ZNHIT3: variants seen among roughly 807,000 people sequenced by gnomAD.
ZNHIT3 encodes the protein zinc finger HIT-type containing 3, also known as zinc finger HIT domain-containing protein 3.
A neutral mutation model predicts 19.9 loss-of-function variants in ZNHIT3; 27 were observed. That is an observed-to-expected ratio of 1.36 (90% confidence interval 1.00 to 1.87). The LOEUF is 1.87. ZNHIT3 is among the 40% of genes most tolerant of loss of function. The pLI, the probability that ZNHIT3 is intolerant of heterozygous loss-of-function variation, is 0.00. For synonymous variants in ZNHIT3, 81 were observed against 65.7 expected (o/e 1.23, Z -1.13); for missense variants, 215 against 185.6 (o/e 1.16, Z -0.92).
rs769095853 is a variant in ZNHIT3 at position 36,495,208 on chromosome 17, C to T, written c.287-15C>T. Reference sequence around the variant, plus strand: ...ACTTGAACTCAGACTGGCTTTTTTTCTTGTTAATTTTTAGGGGAATCTGCA... The same window carrying T: ...ACTTGAACTCAGACTGGCTTTTTTTTTTGTTAATTTTTAGGGGAATCTGCA... On this transcript the variant is annotated splice_polypyrimidine_tract_variant and intron_variant, in intron 4 of 4. Transcript: ENST00000617429. The T allele has an allele frequency of 4.0e-6, 6 of 1,510,994 alleles. No individual in the cohort carries two copies. Among genetic ancestry groups the T allele is most frequent in the African/African-American group, 2.8e-5 (2 of 70,508 alleles). The allele number at this position is 1,510,994 out of a possible 1,614,324, so 93.6% of individuals were successfully genotyped here. A position where few individuals can be genotyped will look rare whatever the true frequency, so the allele number is the denominator to read the frequency against.
chr17:36,495,606 T>C lies in ZNHIT3; in HGVS notation c.*202T>C. The C allele has an allele frequency of 7.8e-7, 1 of 1,287,784 alleles. No homozygotes were observed. The highest frequency in any genetic ancestry group is 9.8e-7 in the Non-Finnish European group (1 of 1,020,786). The allele number at this position is 1,287,784 out of a possible 1,614,324, so 79.8% of individuals were successfully genotyped here. ...TGGGGTCCTTAAGGTGGCAAGTCCT[T>C]TATGGAGAGAAAACTTGACATTCAG... On this transcript the variant is annotated 3_prime_UTR_variant, in exon 5 of 5. Coordinates refer to ENST00000617429, the MANE Select transcript of ZNHIT3 (RefSeq NM_004773.4).
intron 2 of ZNHIT3, chr17:36,490,776 A>AT (rs929866092): frequency 2.1e-4 from 32 of 152,282 alleles, no homozygotes; most frequent in African/African-American, 7.2e-4. Context: ...TTAATAAATA[A>AT]TTTTTATCAG....
Position 36,495,594 on chromosome 17 carries a change from G to T in ZNHIT3, c.*190G>T. The T allele has an allele frequency of 7.7e-7, 1 of 1,297,772 alleles. No homozygotes were observed. The highest frequency in any genetic ancestry group is 9.7e-7 in the Non-Finnish European group (1 of 1,026,328). 80.4% of individuals were successfully genotyped at this position (1,297,772 alleles called of 1,614,324 possible). A position where few individuals can be genotyped will look rare whatever the true frequency, so the allele number is the denominator to read the frequency against. On this transcript the variant is annotated 3_prime_UTR_variant, in exon 5 of 5. Transcript: ENST00000617429. Reference sequence around the variant, plus strand: ...TTCAGGCAGACTTGGGGTCCTTAAGGTGGCAAGTCCTTTATGGAGAGAAAA... The same window carrying T: ...TTCAGGCAGACTTGGGGTCCTTAAGTTGGCAAGTCCTTTATGGAGAGAAAA...
At chr17:36,493,792 C>T in intron 3 of ZNHIT3, 134 bp from the exon 4 acceptor site, 1 of 647,820 alleles carries the variant, frequency 1.5e-6, no homozygotes, top group Non-Finnish European at 2.8e-6. Context: ...GGATTTTTGT[C>T]TGTACCTGCT....
chr17:36,490,276 C>T (rs1403449497), intron 2 of ZNHIT3: 1 of 152,150 alleles, frequency 6.6e-6, no homozygotes, highest in Non-Finnish European at 1.5e-5. Flanking sequence ...GATCTAGTTT[C>T]ATTCTTCTGC....
chr17:36,496,012 GTTTC>G (rs2142572634), downstream of ZNHIT3: 1 of 783,086 alleles, frequency 1.3e-6, no homozygotes, highest in East Asian at 2.9e-5. Context: ...TGGCCCTGAT[GTTTC>G]TTAACCCTGA....
intron 3 of ZNHIT3, 55 bp from the exon 4 acceptor site, chr17:36,493,871 T>C: frequency 7.9e-7 from 1 of 1,259,640 alleles, no homozygotes; most frequent in Non-Finnish European, 1.2e-6. Context: ...GGTTAAAATC[T>C]GGTGCCCAGG....
At chr17:36,497,474 G>A (rs540461194), downstream of ZNHIT3, 8 of 923,424 alleles carry the variant, frequency 8.7e-6, no homozygotes, top group East Asian at 9.4e-4. Flanking sequence ...AACCCAAGTT[G>A]TGATGTGGGA....
At chr17:36,490,019 T>C (rs1263748288) in intron 2 of ZNHIT3, 1 of 151,744 alleles carries the variant, frequency 6.6e-6, no homozygotes, top group Admixed American at 6.6e-5. Context: ...TTTGCAAATA[T>C]TTTCTCCCAT....
intron 2 of ZNHIT3, chr17:36,492,416 G>C (rs890949084): frequency 3.4e-5 from 6 of 177,934 alleles, no homozygotes; most frequent in Non-Finnish European, 7.0e-5. Flanking sequence ...CCGAATGTTA[G>C]GATTACAGGC....
At chr17:36,498,646 A>G (rs766751655), downstream of ZNHIT3, 5 of 1,421,388 alleles carry the variant, frequency 3.5e-6, no homozygotes, top group South Asian at 2.9e-5. Context: ...TTAACAAATC[A>G]TCTTAACAAG....
downstream of ZNHIT3, chr17:36,496,196 T>G: frequency 6.2e-7 from 1 of 1,603,016 alleles, no homozygotes; most frequent in South Asian, 1.1e-5. Context: ...TGATTAAATG[T>G]CTTTGGCAAG....
chr17:36,495,054 A>C (rs548548172), intron 4 of ZNHIT3, among the ~76,000 whole-genome samples, 169 bp from the exon 5 acceptor site: 2 of 152,192 alleles, frequency 1.3e-5, no homozygotes, highest in South Asian at 4.2e-4. Context: ...TGAACTCCTG[A>C]GCTCAAGCAA....
chr17:36,494,968 C>T (rs1194037117), intron 4 of ZNHIT3, among the ~76,000 whole-genome samples: 2 of 152,038 alleles, frequency 1.3e-5, no homozygotes, highest in African/African-American at 4.8e-5. Flanking sequence ...GCATTTAATG[C>T]GGAAATAGTT....
chr17:36,498,231 G>A (rs765342710), downstream of ZNHIT3: 7 of 1,588,052 alleles, frequency 4.4e-6, no homozygotes, highest in Admixed American at 1.0e-4. Flanking sequence ...CTGTTCTCAG[G>A]AACAAAGCTG....
downstream of ZNHIT3, chr17:36,498,244 A>C (rs1187439370): frequency 6.3e-7 from 1 of 1,597,704 alleles, no homozygotes; most frequent in South Asian, 1.1e-5. Context: ...CAAAGCTGTC[A>C]TGGCCATCAC....
At chr17:36,498,138 C>G, downstream of ZNHIT3, 1 of 1,006,112 alleles carries the variant, frequency 9.9e-7, no homozygotes, top group Non-Finnish European at 1.4e-6. Context: ...ATGCAGCCCT[C>G]TGGTTTACCC....
chr17:36,494,459 C>CA (rs1221332671), intron 4 of ZNHIT3, among the ~76,000 whole-genome samples: 1 of 152,228 alleles, frequency 6.6e-6, no homozygotes, highest in Non-Finnish European at 1.5e-5. Context: ...GCCCTTAACA[C>CA]AAACTGGTTA....
chr17:36,499,266 GTTT>G, downstream of ZNHIT3: 2 of 554,232 alleles, frequency 3.6e-6, no homozygotes, highest in Middle Eastern at 3.0e-4. Context: ...TTTCAAATAC[GTTT>G]TTTTTTTTTC....
Sources: gnomAD v4.1 joint callset for allele counts (sites outside exome capture counted in the v4.1 genomes callset) on GRCh38, gnomAD v4.1.1 for gene constraint, MANE v1.5 for transcripts, NCBI Gene and HGNC (gene_info 2026-07-23, HGNC 2026-07-21) for gene names.